ESF1: variants seen among roughly 807,000 people sequenced by gnomAD.
ESF1 encodes ESF1 nucleolar pre-rRNA processing protein, also known as ESF1 homolog.
Under a neutral mutation model 92.0 loss-of-function variants are expected in ESF1, and 58 were observed. That is an observed-to-expected ratio of 0.63 (90% CI 0.51 to 0.78). The LOEUF (loss-of-function observed/expected upper bound fraction) is 0.78, where lower values mean the gene tolerates loss of function less well. ESF1 is among the 30% of genes least tolerant of loss of function. ESF1 has a pLI of 0.00. For missense variants in ESF1, 922 were observed against 989.1 expected (o/e 0.93, Z 0.91); for synonymous variants, 321 against 313.7 (o/e 1.02, Z -0.24).
At chr20:13,781,938 G>A (rs1226895928) in intron 2 of ESF1, among the ~76,000 whole-genome samples, 1 of 152,150 alleles carries the variant, frequency 6.6e-6, no homozygotes, top group Admixed American at 6.6e-5. Context: ...GTGCAGTGGT[G>A]CAATCTCAGC....
chr20:13,743,161 C>G (rs763330764), intron 9 of ESF1, among the ~76,000 whole-genome samples: 1 of 152,120 alleles, frequency 6.6e-6, no homozygotes, highest in Non-Finnish European at 1.5e-5. Context: ...CTCAACATCA[C>G]GAGTATCAGA....
chr20:13,750,673 C>T lies in ESF1; in HGVS notation c.1828+9019G>A, dbSNP rs116369993. 3.8e-3 allele frequency among the ~76,000 whole-genome samples: 575 copies of T among 152,290 alleles called. 3 individuals are homozygous for T. The highest frequency in any genetic ancestry group is 0.013 in the African/African-American group (526 of 41,560). ...ATAAAAAGTTCTCCAGTTGGCACAA[C>T]AAATTAATACAATCCTTTCAAAAAG... On this transcript the variant is annotated intron_variant, in intron 9 of 13. Transcript: ENST00000617257.
At chr20:13,733,394 C>T (rs934720634) in intron 10 of ESF1, among the ~76,000 whole-genome samples, 1 of 152,126 alleles carries the variant, frequency 6.6e-6, no homozygotes, top group African/African-American at 2.4e-5. Context: ...TCTGTATGTA[C>T]CTCTTTTGCT....
intron 9 of ESF1, among the ~76,000 whole-genome samples, chr20:13,743,957 T>G (rs2050031699): frequency 6.6e-6 from 1 of 152,232 alleles, no homozygotes; most frequent in African/African-American, 2.4e-5. Context: ...GAATAAATAC[T>G]GAAATCTGGA....
At chr20:13,750,958 G>A (rs1978605541) in intron 9 of ESF1, among the ~76,000 whole-genome samples, 1 of 152,166 alleles carries the variant, frequency 6.6e-6, no homozygotes. Flanking sequence ...AACAGAACAA[G>A]ACCTTGTCTC....
chr20:13,754,288 G>A (rs189357063), intron 9 of ESF1, among the ~76,000 whole-genome samples: 50 of 152,142 alleles, frequency 3.3e-4, no homozygotes, highest in African/African-American at 1.0e-3. Flanking sequence ...TGAATACCCC[G>A]CAATTCTGAA....
chr20:13,718,486 C>T (rs1191843383), intron 12 of ESF1, among the ~76,000 whole-genome samples: 1 of 152,134 alleles, frequency 6.6e-6, no homozygotes, highest in Non-Finnish European at 1.5e-5. Context: ...TACATATTCA[C>T]AATAAGAAAA....
At chr20:13,767,640 A>G (rs1450177813) in intron 7 of ESF1, among the ~76,000 whole-genome samples, 1 of 152,240 alleles carries the variant, frequency 6.6e-6, no homozygotes, top group Admixed American at 6.5e-5. Flanking sequence ...TGCTAAAACA[A>G]GACAATCTCA....
Position 13,776,083 on chromosome 20 carries a change from A to C in ESF1, c.825T>G (p.Asp275Glu). Residue 275 changes from aspartate to glutamate, a missense_variant, in exon 3 of 14, where the codon GAT (aspartate) becomes GAG (glutamate). Transcript: ENST00000617257. ...ASGDDDGSED[D>E]EEEDEDEEED... Reference sequence around the variant, plus strand: ...CCTCTTCATCTTCATCCTCCTCTTCATCATCTTCACTTCCATCGTCATCAC... The same window carrying C: ...CCTCTTCATCTTCATCCTCCTCTTCCTCATCTTCACTTCCATCGTCATCAC... 1 of 1,613,496 alleles carries C rather than the reference A, an allele frequency of 6.2e-7. No individual in the cohort carries two copies. Among genetic ancestry groups the C allele is most frequent in the Non-Finnish European group, 8.5e-7 (1 of 1,179,660 alleles).
intron 10 of ESF1, among the ~76,000 whole-genome samples, chr20:13,733,080 C>T (rs1319486143): frequency 6.6e-6 from 1 of 150,588 alleles, no homozygotes; most frequent in East Asian, 1.9e-4. Flanking sequence ...TGCGCGCCAC[C>T]ACATCCACCT....
rs567376134 is a variant in ESF1 at position 13,768,665 on chromosome 20, G to C, written c.1518+1242C>G. 9.2e-5 allele frequency among the ~76,000 whole-genome samples: 14 copies of C among 151,892 alleles called. No individual in the cohort carries two copies. The South Asian group carries it at 2.5e-3, about 27-fold the overall frequency. ...TAATACCAGCACTTTGGGAGGCAGAGGGGGGCGGATCATCTGAGCTCAGGA... is the reference window on the plus strand; with the variant it reads ...TAATACCAGCACTTTGGGAGGCAGACGGGGGCGGATCATCTGAGCTCAGGA... On this transcript the variant is annotated intron_variant, in intron 7 of 13. Transcript: ENST00000617257.
chr20:13,721,552 G>A (rs540582559), intron 11 of ESF1, among the ~76,000 whole-genome samples: 1 of 152,268 alleles, frequency 6.6e-6, no homozygotes, highest in East Asian at 1.9e-4. Flanking sequence ...AGAAGGGTGT[G>A]GCAGGAGAAG....
chr20:13,724,600 G>A (rs2049888944), intron 11 of ESF1, among the ~76,000 whole-genome samples: 1 of 152,084 alleles, frequency 6.6e-6, no homozygotes, highest in South Asian at 2.1e-4. Flanking sequence ...GGGAGGAAAA[G>A]GTTCAGAATT....
chr20:13,760,517 G>A (rs1404550922), intron 8 of ESF1, among the ~76,000 whole-genome samples: 9 of 147,116 alleles, frequency 6.1e-5, no homozygotes, highest in East Asian at 2.1e-4. Flanking sequence ...CCCTCCACCC[G>A]GCAGCCACCC....
chr20:13,763,105 C>T lies in ESF1; in HGVS notation c.1667-3252G>A, dbSNP rs528591547. ...CTTGATCTCCCGACCTCATGATCTG[C>T]CTGCCTCAGCCTCCCAAAGTGCTGG... On this transcript the variant is annotated intron_variant, in intron 8 of 13. Coordinates refer to ENST00000617257, the MANE Select transcript of ESF1 (RefSeq NM_001276380.2). Among the ~76,000 whole-genome samples, 3 of 152,228 alleles carry T rather than the reference C, an allele frequency of 2.0e-5. No individual in the cohort carries two copies. The South Asian group carries it at 6.2e-4, about 32-fold the overall frequency.
chr20:13,774,893 A>G (rs115785631), intron 4 of ESF1, among the ~76,000 whole-genome samples: 2,387 of 152,250 alleles, frequency 0.016, 70 homozygotes, highest in African/African-American at 0.055. Flanking sequence ...TGTTAAAAAC[A>G]CTTCTTATAT....
At chr20:13,733,642 T>C in intron 10 of ESF1, 79 bp downstream of exon 10, 1 of 1,409,420 alleles carries the variant, frequency 7.1e-7, no homozygotes, top group Non-Finnish European at 9.6e-7. Flanking sequence ...CATTTTGAGA[T>C]AATGGATTCC....
intron 9 of ESF1, among the ~76,000 whole-genome samples, chr20:13,744,536 T>C (rs921483895): frequency 3.9e-5 from 6 of 152,194 alleles, no homozygotes; most frequent in Non-Finnish European, 8.8e-5. Flanking sequence ...GAAAACCCTT[T>C]GTGATTTGGC....
chr20:13,719,054 G>A, intron 11 of ESF1, 70 bp from the exon 12 acceptor site: 15 of 1,014,608 alleles, frequency 1.5e-5, no homozygotes, highest in South Asian at 3.7e-5. Flanking sequence ...TTTATACTAG[G>A]AACAAAAATA....
Sources: gnomAD v4.1 joint callset for allele counts (sites outside exome capture counted in the v4.1 genomes callset) on GRCh38, gnomAD v4.1.1 for gene constraint, MANE v1.5 for transcripts, NCBI Gene and HGNC (gene_info 2026-07-23, HGNC 2026-07-21) for gene names.